MYO15B: variants seen among roughly 807,000 people sequenced by gnomAD.
MYO15B encodes myosin XVB.
Under a neutral mutation model 119.3 loss-of-function variants are expected in MYO15B, and 207 were observed. The ratio of observed to expected loss-of-function variants is 1.73; its 90% CI spans 1.55 to 1.95. The LOEUF is 1.95. Ranked by LOEUF, MYO15B falls within the 30% of genes most tolerant of loss-of-function variation. The probability of loss-of-function intolerance (pLI) is 0.00; values close to 1 mark genes in which losing one functional copy is unlikely to be tolerated. For synonymous variants in MYO15B, 966 were observed against 498.9 expected (o/e 1.94, Z -12.48); for missense variants, 2,264 against 1,203.1 (o/e 1.88, Z -13.04).
intron 25 of MYO15B, 56 bp from the exon 26 acceptor site, chr17:75,612,742 C>T (rs956717696): frequency 1.9e-5 from 13 of 702,278 alleles, no homozygotes; most frequent in Non-Finnish European, 3.1e-5. Context: ...CGGTGGGGCT[C>T]CCCTGGGCTG....
In MYO15B at chr17:75,622,003, G is replaced by A. The variant is rs1422988405; in HGVS notation, c.8006-1G>A. The stretch of plus-strand genomic sequence containing the variant: ...TGCCCTGTTTCTTATCGTGCCTGCA[G>A]CCCTGATGCGGTTTATGGGTGACCA... On this transcript the variant is annotated splice_acceptor_variant, in intron 52 of 63. Transcript: ENST00000645453. LOFTEE classifies it high-confidence loss of function. The A allele has an allele frequency of 4.3e-6, 3 of 702,990 alleles. No homozygotes were observed. In the Admixed American group the frequency reaches 6.0e-5, roughly 14 times the overall value. 43.5% of individuals were successfully genotyped at this position (702,990 alleles called of 1,614,324 possible).
At chr17:75,613,087 C>A in exon 27 of MYO15B, 1 of 702,662 alleles carries the variant, frequency 1.4e-6, no homozygotes, top group East Asian at 2.7e-5. Flanking sequence ...AGCTCTTTAG[C>A]CAGCTGGTGG....
exon 64 of MYO15B, chr17:75,626,482 T>C: frequency 1.4e-6 from 1 of 703,174 alleles, no homozygotes; most frequent in Non-Finnish European, 2.6e-6. Flanking sequence ...CAGCATCAAC[T>C]GAGAGGAGTG....
At chr17:75,625,068 A>G in intron 59 of MYO15B, 55 bp from the exon 60 acceptor site, 1 of 662,392 alleles carries the variant, frequency 1.5e-6, no homozygotes, top group Admixed American at 2.1e-5. Context: ...TAGAGCCACC[A>G]ACTGATGGGG....
At chr17:75,616,005 C>T in intron 36 of MYO15B, 64 bp from the exon 37 acceptor site, 1 of 588,650 alleles carries the variant, frequency 1.7e-6, no homozygotes, top group Non-Finnish European at 3.0e-6. Context: ...ACTGGGGACC[C>T]GAGGGGTGTG....
chr17:75,602,303 T>A lies in MYO15B; in HGVS notation c.3652-214T>A, dbSNP rs1179092043. 17 of 677,608 alleles carry A rather than the reference T, an allele frequency of 2.5e-5. No individual in the cohort carries two copies. The East Asian group carries it at 4.6e-4, about 19-fold the overall frequency. 42.0% of individuals were successfully genotyped at this position (677,608 alleles called of 1,614,324 possible). On this transcript the variant is annotated intron_variant, in intron 15 of 63. Transcript: ENST00000645453. Reference sequence around the variant, plus strand: ...TAGGTTAAAGCCCCAGTGGGGAGAGTGTGGTCTTGCTGGGGACTGGACCTG... The same window carrying A: ...TAGGTTAAAGCCCCAGTGGGGAGAGAGTGGTCTTGCTGGGGACTGGACCTG...
intron 43 of MYO15B, 133 bp from the exon 44 acceptor site, chr17:75,619,010 T>G: frequency 1.5e-6 from 1 of 645,872 alleles, no homozygotes; most frequent in Admixed American, 2.3e-5. Context: ...GGCCCTCTGC[T>G]GAGCACACAG....
rs1415062619 is a variant in MYO15B at position 75,592,526 on chromosome 17, C to A, written c.2814C>A (p.Tyr938Ter). ...TCTCCCTGCAGGGACCGGAGACTTA[C>A]TACTACCTCAACCAGGTCGGGGGAG... Residue 938 changes from tyrosine (Y) to a stop codon, truncating the protein, a stop_gained, in exon 8 of 64, where the codon TAC becomes TAA. Coordinates refer to ENST00000645453, the Ensembl canonical transcript of MYO15B. LOFTEE classifies it high-confidence loss of function. 4.9e-6 allele frequency: 3 copies of A among 606,840 alleles called. No individual in the cohort carries two copies. Among genetic ancestry groups the A allele is most frequent in the Admixed American group, 2.8e-5 (1 of 35,210 alleles). 37.6% of individuals were successfully genotyped at this position (606,840 alleles called of 1,614,324 possible).
chr17:75,596,415 G>T (rs1346418537), intron 12 of MYO15B, 45 bp from the exon 13 acceptor site: 1 of 697,992 alleles, frequency 1.4e-6, no homozygotes, highest in Non-Finnish European at 2.6e-6. Context: ...GGGGTGGGGG[G>T]AGGGCACAGC....
intron 63 of MYO15B, 68 bp downstream of exon 63, chr17:75,626,296 A>T (rs111497906): frequency 1.0e-5 from 7 of 698,564 alleles, no homozygotes; most frequent in Non-Finnish European, 1.8e-5. Flanking sequence ...CATGGCGTGC[A>T]GTGGGAGCCC....
chr17:75,613,695 GC>G lies in MYO15B; in HGVS notation c.5147-6del, dbSNP rs2147999312. The G allele has an allele frequency of 1.4e-6, 1 of 701,264 alleles. No individual in the cohort carries two copies. Among genetic ancestry groups the G allele is most frequent in the South Asian group, 1.5e-5 (1 of 67,426 alleles). The allele number at this position is 701,264 out of a possible 1,614,324, so 43.4% of individuals were successfully genotyped here. The stretch of plus-strand genomic sequence containing the variant: ...CCTCACTCTTGCCCCCGCCCCCCAT[GC>G]CCCTGCAGAGGAGTGCTACTCGGCC... On this transcript the variant is annotated splice_polypyrimidine_tract_variant and intron_variant, in intron 28 of 63. Coordinates refer to ENST00000645453, the Ensembl canonical transcript of MYO15B.
intron 19 of MYO15B, among the ~76,000 whole-genome samples, chr17:75,603,577 A>G (rs1468977447): frequency 6.6e-6 from 1 of 152,180 alleles, no homozygotes; most frequent in Non-Finnish European, 1.5e-5. Flanking sequence ...ATGCCTGGGC[A>G]CCAGAGATGA....
intron 60 of MYO15B, 113 bp from the exon 61 acceptor site, chr17:75,625,414 T>C: frequency 3.0e-6 from 2 of 660,370 alleles, no homozygotes; most frequent in South Asian, 3.4e-5. Context: ...CTCATTCATG[T>C]GTATGGATGT....
chr17:75,594,140 C>T (rs1434255199), intron 9 of MYO15B, among the ~76,000 whole-genome samples: 1 of 150,888 alleles, frequency 6.6e-6, no homozygotes, highest in East Asian at 1.9e-4. Context: ...TGTTATGTAC[C>T]TGGGTACTGT....
At chr17:75,591,928 G>C (rs920191903) in intron 5 of MYO15B, 49 bp from the exon 6 acceptor site, 2 of 692,872 alleles carry the variant, frequency 2.9e-6, no homozygotes, top group Non-Finnish European at 5.3e-6. Context: ...ATGCCTGCTG[G>C]TGGGGGCTAC....
intron 22 of MYO15B, 80 bp downstream of exon 22, chr17:75,610,339 T>C (rs879834982): frequency 3.2e-6 from 2 of 616,916 alleles, no homozygotes; most frequent in Non-Finnish European, 5.9e-6. Context: ...CCCAGCAGCG[T>C]TGACCCTCTC....
chr17:75,613,320 C>A, exon 28 of MYO15B: 1 of 671,486 alleles, frequency 1.5e-6, no homozygotes, highest in Non-Finnish European at 2.7e-6. Flanking sequence ...CCCCCAGGGG[C>A]ATGGCAGCGC....
At chr17:75,614,532 G>A (rs1248512892) in intron 30 of MYO15B, 51 bp from the exon 31 acceptor site, 10 of 695,064 alleles carry the variant, frequency 1.4e-5, no homozygotes, top group South Asian at 9.0e-5. Flanking sequence ...GCCCCAGCCT[G>A]GGTGACCCTC....
At position 75,602,880 on chromosome 17, in the gene MYO15B, AG is replaced by A; in HGVS notation, c.3782del (p.Gly1261AlafsTer17). The A allele has an allele frequency of 1.5e-6, 1 of 680,646 alleles. No homozygotes were observed. Among genetic ancestry groups the A allele is most frequent in the Non-Finnish European group, 2.7e-6 (1 of 373,818 alleles). The allele number at this position is 680,646 out of a possible 1,614,324, so 42.2% of individuals were successfully genotyped here. A position where few individuals can be genotyped will look rare whatever the true frequency, so the allele number is the denominator to read the frequency against. On this transcript the variant is annotated frameshift_variant, in exon 17 of 64. Coordinates refer to ENST00000645453, the Ensembl canonical transcript of MYO15B. LOFTEE classifies it high-confidence loss of function. ...CAGAGCCCCAGTCCAGGGGAGGGCG[AG>A]GCAGACCCACGCTGGCCTCTCGCTT...
Sources: gnomAD v4.1 joint callset for allele counts (sites outside exome capture counted in the v4.1 genomes callset) on GRCh38, gnomAD v4.1.1 for gene constraint, MANE v1.5 for transcripts, NCBI Gene and HGNC (gene_info 2026-07-23, HGNC 2026-07-21) for gene names.